The following SNTG2 variants were observed in gnomAD, a reference collection of about 807,000 sequenced individuals.
SNTG2 encodes the protein syntrophin gamma 2.
SNTG2 carries 74 observed loss-of-function variants against 70.9 expected under a neutral mutation model. The observed-to-expected ratio is 1.04, with a 90% CI of 0.86 to 1.27. The LOEUF is 1.27. Ranked by LOEUF, SNTG2 falls within the 50% of genes most tolerant of loss-of-function variation. SNTG2 has a pLI of 0.00. For missense variants in SNTG2, 717 were observed against 690.7 expected (o/e 1.04, Z -0.43); for synonymous variants, 278 against 273.8 (o/e 1.02, Z -0.15).
At chr2:1,332,060 G>A (rs569570119) in intron 16 of SNTG2, among the ~76,000 whole-genome samples, 1 of 152,146 alleles carries the variant, frequency 6.6e-6, no homozygotes, top group Non-Finnish European at 1.5e-5. Flanking sequence ...CTCATCTCCA[G>A]GCCTTTGTTG....
intron 1 of SNTG2, among the ~76,000 whole-genome samples, chr2:1,076,365 C>T (rs553994471): frequency 5.3e-5 from 8 of 152,282 alleles, no homozygotes; most frequent in African/African-American, 9.6e-5. Context: ...TGGCTCTTTA[C>T]GCTTCTTCCA....
intron 6 of SNTG2, among the ~76,000 whole-genome samples, chr2:1,150,238 A>G (rs1446086385): frequency 6.6e-6 from 1 of 152,214 alleles, no homozygotes; most frequent in African/African-American, 2.4e-5. Context: ...TCTAACAAGC[A>G]AACACAGCTG....
chr2:976,734 C>CT (rs1235874331), intron 1 of SNTG2, among the ~76,000 whole-genome samples: 1 of 152,224 alleles, frequency 6.6e-6, no homozygotes, highest in African/African-American at 2.4e-5. Flanking sequence ...CTCCCCAGCC[C>CT]TGTCCTCTGC....
intron 11 of SNTG2, among the ~76,000 whole-genome samples, chr2:1,243,265 A>G (rs1429554895): frequency 1.3e-5 from 2 of 152,178 alleles, no homozygotes; most frequent in Non-Finnish European, 2.9e-5. Flanking sequence ...GATATAGAAA[A>G]GAAGAAGAGC....
intron 1 of SNTG2, among the ~76,000 whole-genome samples, chr2:952,318 C>T (rs1177297106): frequency 6.6e-6 from 1 of 152,138 alleles, no homozygotes; most frequent in Non-Finnish European, 1.5e-5. Context: ...ATAATGATGC[C>T]CTCCCACGGT....
At chr2:1,005,374 A>G (rs7598261) in intron 1 of SNTG2, among the ~76,000 whole-genome samples, 69,979 of 151,462 alleles carry the variant, frequency 0.46, 16,672 homozygotes, top group Middle Eastern at 0.61. Flanking sequence ...CAAATGCGCC[A>G]CCTGGGGGAT....
intron 4 of SNTG2, among the ~76,000 whole-genome samples, chr2:1,131,745 G>A (rs542910603): frequency 1.6e-3 from 241 of 151,344 alleles, no homozygotes; most frequent in Non-Finnish European, 2.9e-3. Flanking sequence ...TCCACCTCCC[G>A]GGTTCACGTG....
chr2:1,295,667 C>T (rs889569091), intron 14 of SNTG2, among the ~76,000 whole-genome samples: 1 of 151,566 alleles, frequency 6.6e-6, no homozygotes, highest in Non-Finnish European at 1.5e-5. Context: ...AGGCAGGTGT[C>T]TCCATCGATG....
At chr2:989,623 A>G (rs1661429194) in intron 1 of SNTG2, among the ~76,000 whole-genome samples, 1 of 152,196 alleles carries the variant, frequency 6.6e-6, no homozygotes, top group South Asian at 2.1e-4. Context: ...AGCTATTTGC[A>G]GTTAACTTTA....
chr2:1,129,055 A>G lies in SNTG2; in HGVS notation c.326-8567A>G, dbSNP rs188903696. ...GAGAAAAATGTTATACAGCAGAGGA[A>G]TCGACCTCGAATAAACGACATATAC... On this transcript the variant is annotated intron_variant, in intron 4 of 16. Transcript: ENST00000308624. 3.8e-4 allele frequency among the ~76,000 whole-genome samples: 58 copies of G among 152,316 alleles called. No homozygotes were observed. The East Asian group carries it at 0.011, about 28-fold the overall frequency.
At chr2:964,336 G>GTGTCTCCGCC (rs1162954131) in intron 1 of SNTG2, among the ~76,000 whole-genome samples, 1 of 152,148 alleles carries the variant, frequency 6.6e-6, no homozygotes, top group African/African-American at 2.4e-5. Context: ...CTGTCCCATG[G>GTGTCTCCGCC]TGTCTCCGCC....
intron 2 of SNTG2, among the ~76,000 whole-genome samples, chr2:1,089,601 C>T (rs1664889480): frequency 6.6e-6 from 1 of 150,964 alleles, no homozygotes; most frequent in South Asian, 2.1e-4. Context: ...TGCCATTGCA[C>T]TCCAACCTGG....
At chr2:1,030,866 A>C (rs1209683507) in intron 1 of SNTG2, among the ~76,000 whole-genome samples, 2 of 152,204 alleles carry the variant, frequency 1.3e-5, no homozygotes, top group African/African-American at 2.4e-5. Context: ...TGCACCGATG[A>C]CTATTCGTGT....
rs886427448 is a variant in SNTG2, at chr2:1,267,446, T to C, written c.1159T>C (p.Tyr387His). 3 of 1,613,272 alleles carry C rather than the reference T, an allele frequency of 1.9e-6. No individual in the cohort carries two copies. Among genetic ancestry groups the C allele is most frequent in the Non-Finnish European group, 2.5e-6 (3 of 1,179,668 alleles). The change falls in exon 14 of 17, where the codon TAT becomes CAT. Residue 387 changes from tyrosine to histidine, a missense_variant. By Grantham distance (83) the Tyr-to-His change is moderately conservative. Transcript: ENST00000308624. ...QDFDFEDQRP[Y>H]CFSIVAGHGK... Reference sequence around the variant, plus strand: ...TTTTGACTTTGAGGACCAGAGGCCCTATTGCTTCAGCATCGTGGCCGGCCA... The same window carrying C: ...TTTTGACTTTGAGGACCAGAGGCCCCATTGCTTCAGCATCGTGGCCGGCCA...
chr2:1,237,662 T>C (rs941345780), intron 9 of SNTG2, among the ~76,000 whole-genome samples: 1 of 152,252 alleles, frequency 6.6e-6, no homozygotes, highest in African/African-American at 2.4e-5. Flanking sequence ...AAAGTGCTTT[T>C]CATGTTTCAT....
At chr2:1,330,887 C>A (rs114437669) in intron 16 of SNTG2, among the ~76,000 whole-genome samples, 1 of 152,044 alleles carries the variant, frequency 6.6e-6, no homozygotes, top group African/African-American at 2.4e-5. Context: ...CAAAAGTGAC[C>A]AAGGCTGGCA....
At chr2:951,878 CCCCAGGAGCTCCCAGT>C (rs1166022674) in intron 1 of SNTG2, among the ~76,000 whole-genome samples, 2 of 152,024 alleles carry the variant, frequency 1.3e-5, no homozygotes, top group African/African-American at 4.8e-5. Flanking sequence ...AGGATTCCTT[CCCCAGGAGCTCCCAGT>C]CCCAGGAGCG....
intron 4 of SNTG2, among the ~76,000 whole-genome samples, chr2:1,121,839 G>T (rs1018601781): frequency 6.6e-6 from 1 of 152,070 alleles, no homozygotes; most frequent in Non-Finnish European, 1.5e-5. Flanking sequence ...GATTATAATT[G>T]AAGATGAGAT....
intron 14 of SNTG2, among the ~76,000 whole-genome samples, chr2:1,270,641 A>T (rs1678970434): frequency 6.6e-6 from 1 of 152,190 alleles, no homozygotes; most frequent in Non-Finnish European, 1.5e-5. Flanking sequence ...TGTGACAGAA[A>T]CAAAATAGTG....
Sources: gnomAD v4.1 joint callset for allele counts (sites outside exome capture counted in the v4.1 genomes callset) on GRCh38, gnomAD v4.1.1 for gene constraint, MANE v1.5 for transcripts, NCBI Gene and HGNC (gene_info 2026-07-23, HGNC 2026-07-21) for gene names.